Variants in SLC8A1 observed in about 807,000 individuals in gnomAD.
SLC8A1 encodes the protein solute carrier family 8 member A1, also known as sodium/calcium exchanger 1.
A neutral mutation model predicts 68.3 loss-of-function variants in SLC8A1; 18 were observed. That is an observed-to-expected ratio of 0.26 (90% CI 0.18 to 0.39). The LOEUF is 0.39. Among genes scored for constraint, SLC8A1 ranks in the 10% least tolerant of loss-of-function variants. The pLI is 1.00. For missense variants in SLC8A1, 985 were observed against 1,156.7 expected, an observed-to-expected ratio of 0.85 and a Z score of 2.15; for synonymous variants, 475 against 415.5, an observed-to-expected ratio of 1.14 and a Z score of -1.74.
chr2:40,384,146 C>G (rs1682828342), intron 2 of SLC8A1, among the ~76,000 whole-genome samples: 1 of 151,730 alleles, frequency 6.6e-6, no homozygotes, highest in African/African-American at 2.4e-5. Context: ...GTCCCAGCTA[C>G]TCAGGAGGCT....
intron 1 of SLC8A1, among the ~76,000 whole-genome samples, chr2:40,468,912 T>C (rs1003121528): frequency 6.6e-6 from 1 of 152,088 alleles, no homozygotes; most frequent in Non-Finnish European, 1.5e-5. Flanking sequence ...CCCATCTCTA[T>C]ATTTAAAATA....
chr2:40,152,833 C>G (rs935901679), intron 6 of SLC8A1, among the ~76,000 whole-genome samples: 3 of 151,948 alleles, frequency 2.0e-5, no homozygotes, highest in Admixed American at 1.3e-4. Flanking sequence ...ATGGTGGTGC[C>G]TGCCTGTAGT....
chr2:40,473,001 AT>A (rs1425964486), intron 1 of SLC8A1, among the ~76,000 whole-genome samples: 5 of 138,906 alleles, frequency 3.6e-5, no homozygotes, highest in African/African-American at 1.3e-4. Context: ...GATAACTCAG[AT>A]TTGGAAGTCA....
intron 2 of SLC8A1, among the ~76,000 whole-genome samples, chr2:40,225,226 G>A (rs1415303210): frequency 2.6e-5 from 4 of 152,104 alleles, no homozygotes; most frequent in Non-Finnish European, 4.4e-5. Flanking sequence ...CTTTAATTAT[G>A]GCTAGTTGTG....
chr2:40,125,673 T>C (rs2037927198), intron 7 of SLC8A1, among the ~76,000 whole-genome samples: 1 of 152,174 alleles, frequency 6.6e-6, no homozygotes, highest in Non-Finnish European at 1.5e-5. Flanking sequence ...AAGAGATTCA[T>C]GTCCTTGAGA....
exon 2 of SLC8A1, chr2:40,428,548 T>C (rs779604981): frequency 6.2e-7 from 1 of 1,613,672 alleles, no homozygotes; most frequent in Non-Finnish European, 8.5e-7. Context: ...GGCAGTCCCT[T>C]CGATGGTTTT....
intron 2 of SLC8A1, among the ~76,000 whole-genome samples, chr2:40,387,472 A>G (rs1353966531): frequency 6.6e-6 from 1 of 151,412 alleles, no homozygotes; most frequent in Non-Finnish European, 1.5e-5. Context: ...TTGAAACCAG[A>G]TACAAAACAT....
chr2:40,429,398 C>T (rs947461864), exon 2 of SLC8A1: 1 of 1,613,798 alleles, frequency 6.2e-7, no homozygotes, highest in African/African-American at 1.3e-5. Context: ...GAATTGACCA[C>T]TTTCCCGTCC....
At chr2:40,256,689 G>C (rs183951169) in intron 2 of SLC8A1, among the ~76,000 whole-genome samples, 37 of 151,438 alleles carry the variant, frequency 2.4e-4, no homozygotes, top group Admixed American at 2.1e-3. Flanking sequence ...ATGGAGGGCA[G>C]GAAAAAAAAA....
At chr2:40,128,401 C>A (rs1040741497) in intron 7 of SLC8A1, among the ~76,000 whole-genome samples, 5 of 152,158 alleles carry the variant, frequency 3.3e-5, no homozygotes, top group African/African-American at 1.2e-4. Context: ...ACCAATAGGC[C>A]TTGGTCTCTG....
At chr2:40,400,104 G>T (rs1443598654) in intron 2 of SLC8A1, among the ~76,000 whole-genome samples, 1 of 152,134 alleles carries the variant, frequency 6.6e-6, no homozygotes, top group Non-Finnish European at 1.5e-5. Flanking sequence ...CCTCTCGCGT[G>T]CACCCCCTTA....
intron 2 of SLC8A1, among the ~76,000 whole-genome samples, chr2:40,367,824 G>GT (rs370693320): frequency 1.3e-4 from 20 of 152,126 alleles, no homozygotes; most frequent in African/African-American, 3.6e-4. Context: ...TCACAGCCAC[G>GT]TAACACCACT....
At chr2:40,185,263 A>G (rs2050492302) in intron 2 of SLC8A1, among the ~76,000 whole-genome samples, 1 of 152,222 alleles carries the variant, frequency 6.6e-6, no homozygotes, top group Admixed American at 6.5e-5. Flanking sequence ...AGAATTAAAA[A>G]CATGTATTCA....
At chr2:40,397,839 G>A (rs1164996374) in intron 2 of SLC8A1, among the ~76,000 whole-genome samples, 1 of 152,158 alleles carries the variant, frequency 6.6e-6, no homozygotes, top group Admixed American at 6.5e-5. Context: ...CTAGCTACAT[G>A]ACCCAGGGCA....
exon 8 of SLC8A1, chr2:40,109,094 A>C (rs1445282424): frequency 6.6e-6 from 1 of 152,182 alleles, no homozygotes; most frequent in Non-Finnish European, 1.5e-5. Context: ...CAGTCAACAA[A>C]TTAGGAGGGC....
intron 6 of SLC8A1, among the ~76,000 whole-genome samples, chr2:40,150,254 C>T (rs1051787613): frequency 6.6e-6 from 1 of 152,102 alleles, no homozygotes; most frequent in Non-Finnish European, 1.5e-5. Flanking sequence ...CTTTTCATTG[C>T]AGGAGTTGGA....
chr2:40,398,455 T>C (rs544854715), intron 2 of SLC8A1, among the ~76,000 whole-genome samples: 61 of 152,314 alleles, frequency 4.0e-4, no homozygotes, highest in African/African-American at 1.5e-3. Context: ...AGAATTACAA[T>C]AGCAATACAA....
chr2:40,415,642 A>C (rs951745860), intron 2 of SLC8A1, among the ~76,000 whole-genome samples: 4 of 152,092 alleles, frequency 2.6e-5, no homozygotes, highest in African/African-American at 9.7e-5. Flanking sequence ...TCAAATGCAA[A>C]GTCTTTCATT....
chr2:40,268,340 T>C lies in SLC8A1; in HGVS notation c.1809-90485A>G, dbSNP rs1333704912. Reference sequence around the variant, plus strand: ...CTCTAGGAATCTCCATTTTCAACAATTCACTAAGTGGGTCTAATGCAAAGT... The same window carrying C: ...CTCTAGGAATCTCCATTTTCAACAACTCACTAAGTGGGTCTAATGCAAAGT... On this transcript the variant is annotated intron_variant, in intron 2 of 7. Transcript: ENST00000406785. Among the ~76,000 whole-genome samples the C allele has an allele frequency of 3.3e-5, 5 of 152,266 alleles. No individual in the cohort carries two copies. The South Asian group carries it at 1.0e-3, about 32-fold the overall frequency.
Sources: allele counts gnomAD v4.1 joint callset (sites outside exome capture counted in the v4.1 genomes callset), GRCh38; gene constraint gnomAD v4.1.1; transcripts MANE v1.5; gene names NCBI Gene and HGNC (gene_info 2026-07-23, HGNC 2026-07-21).